AOAH: variants seen among roughly 807,000 people sequenced by gnomAD.
AOAH encodes acyloxyacyl hydrolase (neutrophil).
In AOAH, 64 loss-of-function variants were observed where a neutral mutation model predicts 92.2. That is an observed-to-expected ratio of 0.69 (90% confidence interval 0.57 to 0.86). The LOEUF (loss-of-function observed/expected upper bound fraction) is 0.86, where lower values mean the gene tolerates loss of function less well. Among genes scored for constraint, AOAH ranks in the 40% least tolerant of loss-of-function variants. The pLI, the probability that AOAH is intolerant of heterozygous loss-of-function variation, is 0.00. For synonymous variants in AOAH, 263 were observed against 254.5 expected (o/e 1.03, Z -0.32); for missense variants, 656 against 694.6 (o/e 0.94, Z 0.62).
rs372955021 is a variant in AOAH, at chr7:36,641,591, A to G, written c.391-3681T>C. The stretch of plus-strand genomic sequence containing the variant: ...CAGATATTTCCTTTGAAAGCTCGCT[A>G]CAAGGGTTGCTTCCTCCTGAAGCCT... On this transcript the variant is annotated intron_variant, in intron 4 of 20. Coordinates refer to ENST00000617537, the MANE Select transcript of AOAH (RefSeq NM_001637.4). Among the ~76,000 whole-genome samples, 37 of 152,340 alleles carry G rather than the reference A, an allele frequency of 2.4e-4. No homozygotes were observed. The East Asian group carries it at 4.2e-3, about 17-fold the overall frequency.
chr7:36,690,217 C>CAA (rs11427708), intron 1 of AOAH: 72 of 441,372 alleles, frequency 1.6e-4, no homozygotes, highest in Admixed American at 4.2e-4. Flanking sequence ...TAAAAAGAAG[C>CAA]AAAAAAAATT....
At chr7:36,572,573 A>C (rs1191237542) in intron 13 of AOAH, among the ~76,000 whole-genome samples, 1 of 152,120 alleles carries the variant, frequency 6.6e-6, no homozygotes, top group Non-Finnish European at 1.5e-5. Context: ...AATGGTTTTC[A>C]AAACCACTGA....
intron 3 of AOAH, among the ~76,000 whole-genome samples, chr7:36,673,687 C>A (rs555761628): frequency 6.6e-6 from 1 of 152,148 alleles, no homozygotes; most frequent in East Asian, 1.9e-4. Context: ...TCCAGGGAGG[C>A]GGAGAGGGCT....
In AOAH at chr7:36,678,600, T is replaced by TGTGTGC. The variant is rs549317369; in HGVS notation, c.224-4592_224-4591insGCACAC. Reference sequence around the variant, plus strand: ...GTGTGTGTGTGTGTGTGTGTGTGTGTGCGCGCGCGCGCGCGTTAGAATTCT... The same window carrying TGTGTGC: ...GTGTGTGTGTGTGTGTGTGTGTGTGTGTGTGCGCGCGCGCGCGCGCGTTAGAATTCT... On this transcript the variant is annotated intron_variant, in intron 2 of 20. Transcript: ENST00000617537. Among the ~76,000 whole-genome samples the TGTGTGC allele has an allele frequency of 4.7e-3, 622 of 131,014 alleles. 5 individuals are homozygous for TGTGTGC. The highest frequency in any genetic ancestry group is 0.01 in the East Asian group (46 of 4,596). The allele number at this position is 131,014 out of a possible 152,430, so 86.0% of individuals were successfully genotyped here.
At chr7:36,542,983 C>T (rs1382688324) in intron 15 of AOAH, among the ~76,000 whole-genome samples, 4 of 151,732 alleles carry the variant, frequency 2.6e-5, no homozygotes, top group Admixed American at 2.6e-4. Flanking sequence ...TACAACAATA[C>T]TTTTGGTGCC....
intron 1 of AOAH, among the ~76,000 whole-genome samples, chr7:36,703,763 T>C (rs566885539): frequency 6.6e-6 from 1 of 152,322 alleles, no homozygotes; most frequent in Non-Finnish European, 1.5e-5. Context: ...AGTGCTGCAA[T>C]AAACGTATGT....
rs1792422904 is a variant in AOAH at position 36,623,339 on chromosome 7, GCT to G, written c.522-91_522-90del. 37 of 1,176,370 alleles carry G rather than the reference GCT, an allele frequency of 3.1e-5. No homozygotes were observed. The South Asian group carries it at 4.6e-4, about 15-fold the overall frequency. The allele number at this position is 1,176,370 out of a possible 1,614,324, so 72.9% of individuals were successfully genotyped here. On this transcript the variant is annotated intron_variant, in intron 6 of 20. Transcript: ENST00000617537. ...AAATAGAGAGACATTTTCTGATACA[GCT>G]CTGTTGAGTTTATGCCACAGAGGGC...
At chr7:36,697,022 T>A (rs1797759809) in intron 1 of AOAH, among the ~76,000 whole-genome samples, 1 of 151,976 alleles carries the variant, frequency 6.6e-6, no homozygotes, top group South Asian at 2.1e-4. Context: ...CCAATCTGCA[T>A]GCCTTTATTA....
intron 1 of AOAH, among the ~76,000 whole-genome samples, chr7:36,721,185 A>T (rs559480725): frequency 1.3e-5 from 2 of 152,232 alleles, no homozygotes; most frequent in South Asian, 2.1e-4. Flanking sequence ...CCAACGGGAG[A>T]TGTCTCAAAA....
chr7:36,577,831 G>A (rs893177207), intron 12 of AOAH, among the ~76,000 whole-genome samples: 3 of 152,132 alleles, frequency 2.0e-5, no homozygotes, highest in South Asian at 2.1e-4. Context: ...ATCTTCAAAT[G>A]TATTGTATCT....
In AOAH at chr7:36,678,600, T is replaced by TGTGTGCGC. The variant is rs549317369; in HGVS notation, c.224-4592_224-4591insGCGCACAC. ...GTGTGTGTGTGTGTGTGTGTGTGTG[T>TGTGTGCGC]GCGCGCGCGCGCGCGTTAGAATTCT... On this transcript the variant is annotated intron_variant, in intron 2 of 20. Transcript: ENST00000617537. 6.0e-3 allele frequency among the ~76,000 whole-genome samples: 788 copies of TGTGTGCGC among 130,904 alleles called. 11 individuals are homozygous for TGTGTGCGC. The highest frequency in any genetic ancestry group is 9.0e-3 in the Non-Finnish European group (529 of 58,938). 85.9% of individuals were successfully genotyped at this position (130,904 alleles called of 152,430 possible).
At chr7:36,538,627 T>C (rs980144650) in intron 16 of AOAH, among the ~76,000 whole-genome samples, 1 of 152,154 alleles carries the variant, frequency 6.6e-6, no homozygotes, top group African/African-American at 2.4e-5. Context: ...AGGAGACACA[T>C]TTGGAAATCT....
At chr7:36,609,573 C>T (rs1423346544) in intron 11 of AOAH, among the ~76,000 whole-genome samples, 4 of 152,142 alleles carry the variant, frequency 2.6e-5, no homozygotes, top group Non-Finnish European at 5.9e-5. Context: ...GTACTCTTTC[C>T]TCTGCTAGGG....
chr7:36,668,812 A>G (rs1220029749), intron 3 of AOAH, among the ~76,000 whole-genome samples: 2 of 152,228 alleles, frequency 1.3e-5, no homozygotes, highest in African/African-American at 4.8e-5. Context: ...TTAAAGATCT[A>G]TGAAGTATTG....
At chr7:36,566,866 C>T (rs554108632) in intron 13 of AOAH, among the ~76,000 whole-genome samples, 4 of 152,312 alleles carry the variant, frequency 2.6e-5, no homozygotes, top group East Asian at 1.9e-4. Flanking sequence ...ACTGTGCATA[C>T]GTGCAGTGAT....
At chr7:36,541,636 C>T (rs1785432023) in intron 15 of AOAH, among the ~76,000 whole-genome samples, 1 of 152,224 alleles carries the variant, frequency 6.6e-6, no homozygotes, top group African/African-American at 2.4e-5. Flanking sequence ...GTACTCCAAA[C>T]CTCAGCGTCG....
At chr7:36,615,084 C>T (rs1225291525) in intron 11 of AOAH, among the ~76,000 whole-genome samples, 1 of 152,162 alleles carries the variant, frequency 6.6e-6, no homozygotes, top group African/African-American at 2.4e-5. Flanking sequence ...ATTCCTCCTT[C>T]CAAACTTCCC....
At chr7:36,626,190 G>C (rs545041784) in intron 6 of AOAH, among the ~76,000 whole-genome samples, 14 of 152,216 alleles carry the variant, frequency 9.2e-5, no homozygotes, top group Admixed American at 3.3e-4. Context: ...GAGAGAGAGA[G>C]AGAGAAAGAG....
rs73688272 is a variant in AOAH at position 36,680,052 on chromosome 7, A to G, written c.224-6043T>C. 4.7e-3 allele frequency among the ~76,000 whole-genome samples: 722 copies of G among 152,324 alleles called. 2 individuals carry two copies. Among genetic ancestry groups the G allele is most frequent in the African/African-American group, 0.017 (693 of 41,566 alleles). On this transcript the variant is annotated intron_variant, in intron 2 of 20. Coordinates refer to ENST00000617537, the MANE Select transcript of AOAH (RefSeq NM_001637.4). ...AGTGCCTTCTTTCTTTTAAGACTAC[A>G]TGAGTTTTTAACAATTATATTCCAC...
Sources: allele counts gnomAD v4.1 joint callset (sites outside exome capture counted in the v4.1 genomes callset), GRCh38; gene constraint gnomAD v4.1.1; transcripts MANE v1.5; gene names NCBI Gene and HGNC (gene_info 2026-07-23, HGNC 2026-07-21).